PRDX1: variants seen among roughly 807,000 people sequenced by gnomAD.
PRDX1 encodes peroxiredoxin 1.
Under a neutral mutation model 20.7 loss-of-function variants are expected in PRDX1, and 19 were observed. The observed-to-expected ratio is 0.92, with a 90% CI of 0.64 to 1.35. The LOEUF (loss-of-function observed/expected upper bound fraction) is 1.35, where lower values mean the gene tolerates loss of function less well. PRDX1 is among the 40% of genes most tolerant of loss of function. PRDX1 has a pLI of 0.00. For synonymous variants in PRDX1, 89 were observed against 83.9 expected (o/e 1.06, Z -0.33); for missense variants, 226 against 240.0 (o/e 0.94, Z 0.38).
At position 45,515,892 on chromosome 1, in the gene PRDX1, T is replaced by C. The variant is rs1251451061; in HGVS notation, c.107-85A>G. 3.0e-6 allele frequency: 4 copies of C among 1,322,664 alleles called. No homozygotes were observed. In the African/African-American group the frequency reaches 6.1e-5, roughly 20 times the overall value. 81.9% of individuals were successfully genotyped at this position (1,322,664 alleles called of 1,614,324 possible). On this transcript the variant is annotated intron_variant, in intron 2 of 5. Transcript: ENST00000319248. ...TCCTATACAAAAAGAAGCAAGTTGA[T>C]GGCTGACACAATAACCACTAACTGC...
At chr1:45,511,756 C>T (rs1024956864) in intron 5 of PRDX1, 2 of 173,552 alleles carry the variant, frequency 1.2e-5, no homozygotes, top group African/African-American at 4.7e-5. Context: ...TATGTAAACC[C>T]TTAACACTAA....
In PRDX1 at chr1:45,511,170, G is replaced by C. The variant is rs1643735921; in HGVS notation, c.*159C>G. On this transcript the variant is annotated 3_prime_UTR_variant, in exon 6 of 6. Transcript: ENST00000319248. ...GGCCATTCCTACCAAAGGAAGAAAG[G>C]CTGGTCTCTCCACCCCCTGTAGGAA... 1 of 613,726 alleles carries C rather than the reference G, an allele frequency of 1.6e-6. No homozygotes were observed. Among genetic ancestry groups the C allele is most frequent in the African/African-American group, 1.9e-5 (1 of 53,688 alleles). The allele number at this position is 613,726 out of a possible 1,614,324, so 38.0% of individuals were successfully genotyped here.
chr1:45,519,734 T>G (rs1248569670), intron 1 of PRDX1, among the ~76,000 whole-genome samples: 2 of 152,202 alleles, frequency 1.3e-5, no homozygotes, highest in Non-Finnish European at 2.9e-5. Context: ...TAGCTGGGAT[T>G]ACAGGCGCAG....
At chr1:45,514,448 G>C (rs1421018246) in intron 5 of PRDX1, 59 bp downstream of exon 5, 4 of 1,597,384 alleles carry the variant, frequency 2.5e-6, no homozygotes, top group Non-Finnish European at 3.4e-6. Context: ...AGGTGTGAAG[G>C]GGCAACCCAC....
intron 3 of PRDX1, among the ~76,000 whole-genome samples, 160 bp from the exon 4 acceptor site, chr1:45,515,155 T>A (rs1643835374): frequency 6.6e-6 from 1 of 152,160 alleles, no homozygotes; most frequent in Non-Finnish European, 1.5e-5. Context: ...TTAAGGTAGG[T>A]CACTAGGGTA....
In PRDX1 at chr1:45,513,667, CTG is replaced by C. The variant is rs1251114197; in HGVS notation, c.514+838_514+839del. On this transcript the variant is annotated intron_variant, in intron 5 of 5. Transcript: ENST00000319248. The stretch of plus-strand genomic sequence containing the variant: ...AACCCTGTGCTCCCTGAAACATGTG[CTG>C]TGTCAACTCAGGGTTAAATGGATTA... Among the ~76,000 whole-genome samples, 13 of 152,354 alleles carry C rather than the reference CTG, an allele frequency of 8.5e-5. No homozygotes were observed. The East Asian group carries it at 2.3e-3, about 27-fold the overall frequency.
chr1:45,515,744 A>G lies in PRDX1; in HGVS notation c.170T>C (p.Ile57Thr), dbSNP rs142590526. Residue 57 changes from isoleucine (I) to threonine (T), a missense_variant, in exon 3 of 6, where the codon ATT becomes ACT. By Grantham distance (89) the Ile-to-Thr change is moderately conservative. Transcript: ENST00000319248. Reference protein sequence around the residue: ...DFTFVCPTEIIAFSDRAEEFK... With the variant: ...DFTFVCPTEITAFSDRAEEFK... ...TTCTTCTGCCCTATCACTGAAAGCA[A>G]TGATCTCCGTGGGGCACACAAAGGT... 112 of 1,606,150 alleles carry G rather than the reference A, an allele frequency of 7.0e-5. No individual in the cohort carries two copies. In the Middle Eastern group the frequency reaches 9.9e-4, roughly 14 times the overall value.
upstream of PRDX1, among the ~76,000 whole-genome samples, chr1:45,522,344 A>G (rs1465667124): frequency 6.6e-6 from 1 of 152,128 alleles, no homozygotes; most frequent in Non-Finnish European, 1.5e-5. Context: ...AGTAACCCTC[A>G]TGGCTTAGAT....
rs1413196119 is a variant in PRDX1 at position 45,511,325 on chromosome 1, G to C, written c.*4C>G. ...CGCAGCCTGGCACTAAAACAGCCCA[G>C]CGCTCACTTCTGCTTGGAGAAATAT... On this transcript the variant is annotated 3_prime_UTR_variant, in exon 6 of 6. Coordinates refer to ENST00000319248, the MANE Select transcript of PRDX1 (RefSeq NM_181697.3). 6.2e-7 allele frequency: 1 copy of C among 1,608,056 alleles called. No homozygotes were observed. The highest frequency in any genetic ancestry group is 2.2e-5 in the East Asian group (1 of 44,606).
At position 45,518,990 on chromosome 1, in the gene PRDX1, T is replaced by A; in HGVS notation, c.54A>T (p.Thr18=). 6.2e-7 allele frequency: 1 copy of A among 1,605,110 alleles called. No homozygotes were observed. Among genetic ancestry groups the A allele is most frequent in the Non-Finnish European group, 8.5e-7 (1 of 1,177,254 alleles). ...IGHPAPNFKA[T]AVMPDGQFKD... ...TAAACTGACCATCTGGCATAACAGC[T>A]GTGGCTTTGAAGTTGGGGGCAGGGT... Residue 18 remains threonine (T), a synonymous_variant, in exon 2 of 6, where the codon ACA becomes ACT. Transcript: ENST00000319248.
intron 2 of PRDX1, among the ~76,000 whole-genome samples, chr1:45,516,311 T>C (rs1341521824): frequency 6.6e-6 from 1 of 152,238 alleles, no homozygotes; most frequent in African/African-American, 2.4e-5. Flanking sequence ...CATGTGTTCC[T>C]AACGTGCCTG....
intron 5 of PRDX1, among the ~76,000 whole-genome samples, chr1:45,513,626 C>A: frequency 6.6e-6 from 1 of 152,232 alleles, no homozygotes; most frequent in East Asian, 1.9e-4. Flanking sequence ...TGCTGTTAAT[C>A]TGTAACCTTA....
chr1:45,514,360 C>A (rs1570844977), intron 5 of PRDX1, 147 bp downstream of exon 5: 4 of 995,916 alleles, frequency 4.0e-6, no homozygotes, highest in Non-Finnish European at 6.0e-6. Flanking sequence ...GTCCCCTGGG[C>A]CCCCTTATTT....
In PRDX1 at chr1:45,515,007, G is replaced by C; in HGVS notation, c.261-12C>G. On this transcript the variant is annotated splice_polypyrimidine_tract_variant and intron_variant, in intron 3 of 5. Transcript: ENST00000319248. Reference sequence around the variant, plus strand: ...TAGGTGTATTGACCCTATGGCAAAAGGCAAACATACAGTTACATTCAAACT... The same window carrying C: ...TAGGTGTATTGACCCTATGGCAAAACGCAAACATACAGTTACATTCAAACT... The C allele has an allele frequency of 1.9e-6, 3 of 1,613,716 alleles. No individual in the cohort carries two copies. The highest frequency in any genetic ancestry group is 2.5e-6 in the Non-Finnish European group (3 of 1,179,860).
upstream of PRDX1, among the ~76,000 whole-genome samples, chr1:45,522,239 G>A (rs1464310423): frequency 6.6e-6 from 1 of 152,132 alleles, no homozygotes; most frequent in Non-Finnish European, 1.5e-5. Flanking sequence ...CTTAGCTGCT[G>A]CCCACGGAGG....
At chr1:45,511,712 G>GA (rs1215445237) in intron 5 of PRDX1, 13 of 233,130 alleles carry the variant, frequency 5.6e-5, no homozygotes, top group South Asian at 1.2e-4. Flanking sequence ...TCCTTAAGGG[G>GA]AAAAAAAAGC....
At chr1:45,522,667 T>G (rs1040389788), upstream of PRDX1, 7 of 152,172 alleles carry the variant, frequency 4.6e-5, no homozygotes, top group African/African-American at 1.7e-4. Context: ...GTATGTAGCC[T>G]CCCATAAAAC....
At chr1:45,516,259 T>C (rs946944490) in intron 2 of PRDX1, among the ~76,000 whole-genome samples, 1 of 152,232 alleles carries the variant, frequency 6.6e-6, no homozygotes, top group Non-Finnish European at 1.5e-5. Flanking sequence ...ACTTCTCCCG[T>C]GATGAACCAT....
At chr1:45,519,140 A>G in intron 1 of PRDX1, 86 bp from the exon 2 acceptor site, 1 of 923,118 alleles carries the variant, frequency 1.1e-6, no homozygotes, top group Non-Finnish European at 1.7e-6. Context: ...ACTTAGCTGT[A>G]AACAATCAAG....
Sources: allele counts gnomAD v4.1 joint callset (sites outside exome capture counted in the v4.1 genomes callset), GRCh38; gene constraint gnomAD v4.1.1; transcripts MANE v1.5; gene names NCBI Gene and HGNC (gene_info 2026-07-23, HGNC 2026-07-21).